Variants in NRG3 observed in about 807,000 individuals in gnomAD.
The protein encoded by NRG3 is pro-neuregulin-3, membrane-bound isoform.
In NRG3, 31 loss-of-function variants were observed where a neutral mutation model predicts 66.9. The observed-to-expected ratio is 0.46, with a 90% CI of 0.35 to 0.63. The LOEUF is 0.63. Ranked by LOEUF, NRG3 falls within the 20% of genes least tolerant of loss-of-function variation. The pLI is 0.00. For missense variants in NRG3, 910 were observed against 878.9 expected (o/e 1.04, Z -0.45); for synonymous variants, 393 against 359.4 (o/e 1.09, Z -1.06).
Position 82,104,889 on chromosome 10 carries a change from G to A in NRG3, c.823+228726G>A, listed in dbSNP as rs117352605. ...GTGTTGATTATGAAAAGGAATTATT[G>A]CTTTTATAATCACATAAAACACTTT... On this transcript the variant is annotated intron_variant, in intron 1 of 8. Transcript: ENST00000372141. Among the ~76,000 whole-genome samples the A allele has an allele frequency of 8.4e-3, 1,277 of 152,134 alleles. 10 individuals are homozygous for A. Among genetic ancestry groups the A allele is most frequent in the Middle Eastern group, 0.031 (9 of 292 alleles).
At chr10:82,223,189 G>C (rs756415667) in intron 1 of NRG3, among the ~76,000 whole-genome samples, 12 of 152,116 alleles carry the variant, frequency 7.9e-5, no homozygotes, top group African/African-American at 2.2e-4. Flanking sequence ...CTACTCCAAA[G>C]GGGAGAACAG....
intron 2 of NRG3, among the ~76,000 whole-genome samples, chr10:82,524,127 G>A (rs763149029): frequency 6.6e-5 from 10 of 151,976 alleles, no homozygotes; most frequent in Admixed American, 2.6e-4. Context: ...AAAACAAGAG[G>A]CACCTTTGTG....
At position 82,800,528 on chromosome 10, in the gene NRG3, A is replaced by C. The variant is rs530200838; in HGVS notation, c.1027+61878A>C. 2.2e-4 allele frequency among the ~76,000 whole-genome samples: 34 copies of C among 152,308 alleles called. No individual in the cohort carries two copies. In the South Asian group the frequency reaches 7.0e-3, roughly 32 times the overall value. Reference sequence around the variant, plus strand: ...TTTACTGTGCTGAATGTTATAGGGAATGAGAGTGTGCATATTACATGTTAA... The same window carrying C: ...TTTACTGTGCTGAATGTTATAGGGACTGAGAGTGTGCATATTACATGTTAA... On this transcript the variant is annotated intron_variant, in intron 3 of 8. Coordinates refer to ENST00000372141, the MANE Select transcript of NRG3 (RefSeq NM_001010848.4).
chr10:81,907,494 G>A (rs1481042013), intron 1 of NRG3, among the ~76,000 whole-genome samples: 1 of 152,084 alleles, frequency 6.6e-6, no homozygotes, highest in African/African-American at 2.4e-5. Context: ...TAAAATATAT[G>A]TGTATTCATT....
At chr10:82,417,038 A>G (rs1159281743) in intron 2 of NRG3, among the ~76,000 whole-genome samples, 2 of 152,280 alleles carry the variant, frequency 1.3e-5, no homozygotes, top group East Asian at 3.9e-4. Flanking sequence ...ATTCTAATCC[A>G]ACTTTTAATA....
At chr10:82,983,189 CTGTT>C (rs1853101195) in intron 8 of NRG3, among the ~76,000 whole-genome samples, 1 of 152,190 alleles carries the variant, frequency 6.6e-6, no homozygotes, top group Non-Finnish European at 1.5e-5. Flanking sequence ...TTTTTTGTCT[CTGTT>C]TCACTGGTGA....
intron 2 of NRG3, among the ~76,000 whole-genome samples, chr10:82,373,093 A>T (rs1363579447): frequency 6.6e-6 from 1 of 152,216 alleles, no homozygotes; most frequent in East Asian, 1.9e-4. Flanking sequence ...AGCTGCTGCG[A>T]GGCTCGCATA....
At chr10:82,553,811 G>A (rs1020140087) in intron 2 of NRG3, among the ~76,000 whole-genome samples, 7 of 152,082 alleles carry the variant, frequency 4.6e-5, no homozygotes, top group African/African-American at 1.7e-4. Context: ...ACTGGATTAA[G>A]GCACATCCCC....
chr10:82,534,155 A>G (rs570673113), intron 2 of NRG3, among the ~76,000 whole-genome samples: 9 of 152,250 alleles, frequency 5.9e-5, no homozygotes, highest in African/African-American at 2.2e-4. Context: ...TTTTCATGGA[A>G]AACAATATTG....
chr10:82,047,649 C>T (rs1408634881), intron 1 of NRG3, among the ~76,000 whole-genome samples: 4 of 151,462 alleles, frequency 2.6e-5, no homozygotes, highest in African/African-American at 4.9e-5. Flanking sequence ...CAAAATCATG[C>T]CAAAATGTAA....
chr10:82,262,477 A>G (rs1410433072), intron 1 of NRG3, among the ~76,000 whole-genome samples: 2 of 152,276 alleles, frequency 1.3e-5, no homozygotes, highest in East Asian at 3.9e-4. Flanking sequence ...TTCTCACAGT[A>G]TTTTCTTAGC....
intron 1 of NRG3, among the ~76,000 whole-genome samples, chr10:82,321,742 A>C (rs184831950): frequency 4.8e-4 from 73 of 152,366 alleles, no homozygotes; most frequent in Non-Finnish European, 6.0e-4. Flanking sequence ...ACACATTTCT[A>C]TGGAGATAAC....
intron 3 of NRG3, among the ~76,000 whole-genome samples, chr10:82,845,174 A>G (rs989317077): frequency 6.6e-6 from 1 of 152,210 alleles, no homozygotes; most frequent in African/African-American, 2.4e-5. Context: ...TAGAAAATAA[A>G]AAATAAAGGG....
chr10:82,144,420 T>G (rs897940704), intron 1 of NRG3, among the ~76,000 whole-genome samples: 1 of 152,200 alleles, frequency 6.6e-6, no homozygotes, highest in African/African-American at 2.4e-5. Context: ...CTGTGTATTA[T>G]CATAGGCAAC....
intron 2 of NRG3, among the ~76,000 whole-genome samples, chr10:82,544,630 G>C (rs1385861633): frequency 6.6e-6 from 1 of 152,102 alleles, no homozygotes; most frequent in Non-Finnish European, 1.5e-5. Context: ...GAGGGTGAGA[G>C]ACATGGAGGA....
chr10:82,648,269 C>T (rs1204906764), intron 2 of NRG3, among the ~76,000 whole-genome samples: 1 of 152,038 alleles, frequency 6.6e-6, no homozygotes, highest in Non-Finnish European at 1.5e-5. Context: ...GGAATCGTTT[C>T]CCCATTGCTT....
chr10:82,724,018 A>G (rs952990398), intron 2 of NRG3, among the ~76,000 whole-genome samples: 13 of 152,088 alleles, frequency 8.5e-5, no homozygotes, highest in Admixed American at 2.6e-4. Flanking sequence ...TAAAAAATAA[A>G]AGCATAAATG....
At chr10:82,725,559 T>C (rs560944082) in intron 2 of NRG3, among the ~76,000 whole-genome samples, 15 of 152,306 alleles carry the variant, frequency 9.8e-5, no homozygotes, top group African/African-American at 3.4e-4. Flanking sequence ...CATTAAACTT[T>C]AGGTGTTTCT....
chr10:82,899,727 T>C (rs1361602044), intron 4 of NRG3, among the ~76,000 whole-genome samples: 1 of 152,148 alleles, frequency 6.6e-6, no homozygotes, highest in Non-Finnish European at 1.5e-5. Context: ...GAGGGAAATA[T>C]TTGGGGAATT....
Sources: gnomAD v4.1 joint callset for allele counts (sites outside exome capture counted in the v4.1 genomes callset) on GRCh38, gnomAD v4.1.1 for gene constraint, MANE v1.5 for transcripts, NCBI Gene and HGNC (gene_info 2026-07-23, HGNC 2026-07-21) for gene names.